Variants in ADGRL1 observed in about 807,000 individuals in gnomAD.
ADGRL1 encodes the protein CIRL-1.
In ADGRL1, 31 loss-of-function variants were observed where a neutral mutation model predicts 148.9. The observed-to-expected ratio is 0.21, with a 90% confidence interval of 0.16 to 0.28. The LOEUF (loss-of-function observed/expected upper bound fraction) is 0.28, where lower values mean the gene tolerates loss of function less well. ADGRL1 is among the 10% of genes least tolerant of loss of function. The pLI, the probability that ADGRL1 is intolerant of heterozygous loss-of-function variation, is 1.00. For synonymous variants in ADGRL1, 937 were observed against 900.3 expected (o/e 1.04, Z -0.73); for missense variants, 1,521 against 2,058.8 (o/e 0.74, Z 5.05).
At chr19:14,163,492 G>C in intron 4 of ADGRL1, 86 bp from the exon 5 acceptor site, 2 of 1,028,840 alleles carry the variant, frequency 1.9e-6, no homozygotes, top group Non-Finnish European at 2.7e-6. Flanking sequence ...GAGAGAGAGA[G>C]AGAGAGGGGG....
At chr19:14,178,494 G>A (rs1212987806) in intron 2 of ADGRL1, among the ~76,000 whole-genome samples, 1 of 151,944 alleles carries the variant, frequency 6.6e-6, no homozygotes, top group Non-Finnish European at 1.5e-5. Flanking sequence ...AACAGAGCGA[G>A]ACCCTATCTC....
At chr19:14,201,196 A>C (rs1972578898) in intron 1 of ADGRL1, among the ~76,000 whole-genome samples, 2 of 151,814 alleles carry the variant, frequency 1.3e-5, no homozygotes, top group Admixed American at 6.6e-5. Flanking sequence ...TCACCTCCTC[A>C]AGGGATAAGA....
intron 4 of ADGRL1, chr19:14,169,281 G>A (rs928067611): frequency 8.5e-5 from 13 of 152,220 alleles, no homozygotes; most frequent in Non-Finnish European, 1.2e-4. Flanking sequence ...TCATCTCATG[G>A]ACTCACACCT....
intron 18 of ADGRL1, 106 bp from the exon 19 acceptor site, chr19:14,153,018 G>A (rs1426631811): frequency 4.4e-6 from 6 of 1,365,364 alleles, no homozygotes; most frequent in Admixed American, 2.0e-5. Context: ...GCCGGAGACC[G>A]AGCTTCCAAT....
chr19:14,194,615 A>G (rs1231429109), intron 1 of ADGRL1, among the ~76,000 whole-genome samples: 1 of 152,230 alleles, frequency 6.6e-6, no homozygotes, highest in African/African-American at 2.4e-5. Flanking sequence ...GGGACACTCA[A>G]CTGGTAAGGG....
At chr19:14,203,826 G>GC (rs60399507) in intron 1 of ADGRL1, among the ~76,000 whole-genome samples, 116,611 of 151,598 alleles carry the variant, frequency 0.77, 45,743 homozygotes, top group African/African-American at 0.94. Flanking sequence ...GGGTACGCAA[G>GC]CGCCCAGAAG....
intron 1 of ADGRL1, among the ~76,000 whole-genome samples, chr19:14,194,731 A>C (rs1972150859): frequency 7.0e-6 from 1 of 142,896 alleles, no homozygotes; most frequent in South Asian, 2.2e-4. Flanking sequence ...ACTGTATTTG[A>C]GTGTCTATGC....
Position 14,168,451 on chromosome 19 carries a change from T to C in ADGRL1, c.394+2231A>G, listed in dbSNP as rs148142739. On this transcript the variant is annotated intron_variant, in intron 4 of 22. Coordinates refer to ENST00000361434, the MANE Select transcript of ADGRL1 (RefSeq NM_014921.5). Reference sequence around the variant, plus strand: ...ATGTCTGCGCGTGTGTGTGTGTGCGTGTGTCTCCTGTCTCCCCAAGGGCTC... The same window carrying C: ...ATGTCTGCGCGTGTGTGTGTGTGCGCGTGTCTCCTGTCTCCCCAAGGGCTC... Among the ~76,000 whole-genome samples, 53 of 152,164 alleles carry C rather than the reference T, an allele frequency of 3.5e-4. 1 individual carries two copies. Among genetic ancestry groups the C allele is most frequent in the African/African-American group, 1.3e-3 (53 of 41,494 alleles).
rs1387666556 is a variant in ADGRL1, at chr19:14,150,643, C to G, written c.*230G>C. On this transcript the variant is annotated 3_prime_UTR_variant, in exon 23 of 23. Transcript: ENST00000361434. ...CTGGGCTCCTCCTCACTACACTTCC[C>G]CCAAATAGAGCTGGTGCGTGTGGCT... is the stretch of plus-strand genomic sequence containing the variant. 1.8e-6 allele frequency: 1 copy of G among 568,014 alleles called. No individual in the cohort carries two copies. Among genetic ancestry groups the G allele is most frequent in the Non-Finnish European group, 3.1e-6 (1 of 325,712 alleles). The allele number at this position is 568,014 out of a possible 1,614,324, so 35.2% of individuals were successfully genotyped here.
chr19:14,166,990 G>A, intron 4 of ADGRL1: 1 of 1,610,536 alleles, frequency 6.2e-7, no homozygotes, highest in East Asian at 2.2e-5. Flanking sequence ...TGAGTTAGGG[G>A]TTAGCATTGG....
At position 14,152,703 on chromosome 19, in the gene ADGRL1, AAAC is replaced by A. The variant is rs1968336413; in HGVS notation, c.3423+78_3423+80del. 6.3e-7 allele frequency: 1 copy of A among 1,595,382 alleles called. No homozygotes were observed. The highest frequency in any genetic ancestry group is 8.6e-7 in the Non-Finnish European group (1 of 1,164,710). On this transcript the variant is annotated intron_variant, in intron 19 of 22. Transcript: ENST00000361434. This position sits in a 1 kb window ranked among gnomAD's most constrained non-coding sequence, Gnocchi z 6.1. ...CTGCTCACCTGATCATCACGATCAG[AAAC>A]CTAGGCCAAGCCACTCCCCACCTCT... is the stretch of plus-strand genomic sequence containing the variant.
intron 4 of ADGRL1, among the ~76,000 whole-genome samples, chr19:14,168,437 T>C (rs561797076): frequency 1.1e-4 from 16 of 151,806 alleles, no homozygotes; most frequent in South Asian, 8.3e-4. Flanking sequence ...TGTCTGCGCG[T>C]GTGTGTGTGT....
At position 14,149,987 on chromosome 19, in the gene ADGRL1, AAGG is replaced by A. The variant is rs141961952; in HGVS notation, c.*883_*885del. The A allele has an allele frequency of 1.8e-4, 22 of 125,612 alleles. No individual in the cohort carries two copies. The highest frequency in any genetic ancestry group is 6.3e-4 in the African/African-American group (20 of 31,994). 7.8% of individuals were successfully genotyped at this position (125,612 alleles called of 1,614,324 possible). A position where few individuals can be genotyped will look rare whatever the true frequency, so the allele number is the denominator to read the frequency against. On this transcript the variant is annotated 3_prime_UTR_variant, in exon 23 of 23. Coordinates refer to ENST00000361434, the MANE Select transcript of ADGRL1 (RefSeq NM_014921.5). ...CGTTGAAATATTTACAGCAATGGGG[AAGG>A]AGGAGGAGAGAGGAAGGAGTAAGAG...
chr19:14,200,249 G>C lies in ADGRL1; in HGVS notation c.-96+5736C>G, dbSNP rs537639886. 8.0e-4 allele frequency among the ~76,000 whole-genome samples: 122 copies of C among 152,344 alleles called. 2 individuals are homozygous for C. The highest frequency in any genetic ancestry group is 2.9e-3 in the African/African-American group (119 of 41,576). ...CGGTGGCAGCTGCATCGAGGAAGCGGGTTGTGAGCTGGTGAGGAGAGTGGG... is the reference window on the plus strand; with the variant it reads ...CGGTGGCAGCTGCATCGAGGAAGCGCGTTGTGAGCTGGTGAGGAGAGTGGG... On this transcript the variant is annotated intron_variant, in intron 1 of 22. Transcript: ENST00000361434.
At chr19:14,193,906 A>C (rs1972101531) in intron 1 of ADGRL1, among the ~76,000 whole-genome samples, 2 of 152,192 alleles carry the variant, frequency 1.3e-5, no homozygotes, top group Non-Finnish European at 2.9e-5. Context: ...AACCCTGACA[A>C]CACCTTGATC....
chr19:14,174,858 TA>T (rs1308807669), intron 3 of ADGRL1, among the ~76,000 whole-genome samples: 2 of 136,768 alleles, frequency 1.5e-5, no homozygotes, highest in African/African-American at 5.8e-5. Flanking sequence ...TTTTTTTTTT[TA>T]GAGACAGGGT....
intron 2 of ADGRL1, among the ~76,000 whole-genome samples, chr19:14,179,468 T>G (rs1971043789): frequency 6.6e-6 from 1 of 151,894 alleles, no homozygotes; most frequent in African/African-American, 2.4e-5. Flanking sequence ...CACTACAGCC[T>G]GGGCGACAGA....
Position 14,161,323 on chromosome 19 carries a change from T to C in ADGRL1, c.1499A>G (p.Lys500Arg). Residue 500 changes from lysine to arginine, a missense_variant, in exon 6 of 23, where the codon AAG (lysine) becomes AGG (arginine). Lys to Arg is a conservative substitution (Grantham distance 26). This residue lies in a region of ADGRL1 where 270 missense variants were observed against 320.4 expected (regional missense o/e 0.84). Transcript: ENST00000361434. This position sits in a 1 kb window ranked among gnomAD's most constrained non-coding sequence, Gnocchi z 4.4. ...GCCTCTGTACTCACCTCGAGTCCCCTTGGGGCAGGGCCTCTCCACCAGCAT... is the reference window on the plus strand; with the variant it reads ...GCCTCTGTACTCACCTCGAGTCCCCCTGGGGCAGGGCCTCTCCACCAGCAT... ...QGMLVERPCP[K>R]GTRGIASFQC... 1.3e-6 allele frequency: 2 copies of C among 1,590,338 alleles called. No individual in the cohort carries two copies. Among genetic ancestry groups the C allele is most frequent in the Non-Finnish European group, 1.7e-6 (2 of 1,170,882 alleles).
Position 14,152,533 on chromosome 19 carries a change from G to A in ADGRL1, c.3504C>T (p.Thr1168=), listed in dbSNP as rs756255979. The part of the protein sequence containing the change: ...SSFMAGDINS[T]PTLNRGTMGN... The stretch of plus-strand genomic sequence containing the variant: ...CCTTCTCACCTCGGTTCAGGGTGGG[G>A]GTGCTGTTGATGTCACCCGCCATGA... The change falls in exon 20 of 23, where the codon ACC becomes ACT. Residue 1168 remains threonine, a synonymous_variant. Coordinates refer to ENST00000361434, the MANE Select transcript of ADGRL1 (RefSeq NM_014921.5). The surrounding 1 kb of genome is among the most constrained non-coding windows in gnomAD (Gnocchi z 6.1). The A allele has an allele frequency of 1.9e-6, 3 of 1,613,966 alleles. No homozygotes were observed. In the African/African-American group the frequency reaches 4.0e-5, roughly 22 times the overall value.
Sources: gnomAD v4.1 joint callset for allele counts (sites outside exome capture counted in the v4.1 genomes callset) on GRCh38, gnomAD v4.1.1 for gene constraint, gnomAD v4.1.1 regional missense constraint, Gnocchi (gnomAD v3.1) non-coding constraint, MANE v1.5 for transcripts, NCBI Gene and HGNC (gene_info 2026-07-23, HGNC 2026-07-21) for gene names.